Variants in PLCB1 observed in about 807,000 individuals in gnomAD.
PLCB1 encodes 1-phosphatidylinositol 4,5-bisphosphate phosphodiesterase beta-1.
PLCB1 carries 46 observed loss-of-function variants against 161.8 expected under a neutral mutation model. That is an observed-to-expected ratio of 0.28 (90% confidence interval 0.22 to 0.36). The LOEUF is 0.36. Among genes scored for constraint, PLCB1 ranks in the 10% least tolerant of loss-of-function variants. The pLI is 1.00. For synonymous variants in PLCB1, 517 were observed against 503.7 expected (o/e 1.03, Z -0.35); for missense variants, 1,016 against 1,472.5 (o/e 0.69, Z 5.07).
rs10624037 is a variant in PLCB1, at chr20:8,734,135, C to CAAAAAAAAAAAAAAAA, written c.2043+753_2043+768dup. ...AGAGCGAGAGAGCGAGACTCTGTCTCAAAAAAAAAAAAAAAAAAAAAAAAA... is the reference window on the plus strand; with the variant it reads ...AGAGCGAGAGAGCGAGACTCTGTCTCAAAAAAAAAAAAAAAAAAAAAAAAAAAAAAAAAAAAAAAAA... On this transcript the variant is annotated intron_variant, in intron 19 of 31. Transcript: ENST00000338037. 2.4e-4 allele frequency among the ~76,000 whole-genome samples: 14 copies of CAAAAAAAAAAAAAAAA among 57,928 alleles called. 1 individual carries two copies. Among genetic ancestry groups the CAAAAAAAAAAAAAAAA allele is most frequent in the Admixed American group, 1.3e-3 (4 of 3,104 alleles). 38.0% of individuals were successfully genotyped at this position (57,928 alleles called of 152,430 possible). A position where few individuals can be genotyped will look rare whatever the true frequency, so the allele number is the denominator to read the frequency against.
At chr20:8,498,090 T>G (rs1047768511) in intron 3 of PLCB1, among the ~76,000 whole-genome samples, 1 of 152,166 alleles carries the variant, frequency 6.6e-6, no homozygotes, top group Non-Finnish European at 1.5e-5. Context: ...AATATGCCTT[T>G]ATGGGTTTTT....
At chr20:8,141,652 A>G (rs1306051174) in intron 1 of PLCB1, among the ~76,000 whole-genome samples, 1 of 151,434 alleles carries the variant, frequency 6.6e-6, no homozygotes, top group African/African-American at 2.4e-5. Context: ...GGAGGGGGCA[A>G]TGTATGCTCT....
intron 9 of PLCB1, among the ~76,000 whole-genome samples, chr20:8,669,525 T>C (rs1600239119): frequency 6.6e-6 from 1 of 152,216 alleles, no homozygotes; most frequent in African/African-American, 2.4e-5. Flanking sequence ...TATTCTTGAC[T>C]TACTCGTTGG....
chr20:8,793,032 C>T (rs1983841240), intron 31 of PLCB1, among the ~76,000 whole-genome samples: 1 of 152,156 alleles, frequency 6.6e-6, no homozygotes, highest in African/African-American at 2.4e-5. Flanking sequence ...TTGAAATAAT[C>T]CCTCTCCACA....
At chr20:8,613,353 G>A (rs1297750136) in intron 3 of PLCB1, among the ~76,000 whole-genome samples, 1 of 152,170 alleles carries the variant, frequency 6.6e-6, no homozygotes, top group African/African-American at 2.4e-5. Context: ...GGGTTTTCTG[G>A]GGGTGATGAG....
chr20:8,646,232 T>C lies in PLCB1; in HGVS notation c.464+51T>C, dbSNP rs753125334. The C allele has an allele frequency of 7.4e-6, 9 of 1,216,178 alleles. No individual in the cohort carries two copies. The South Asian group carries it at 9.6e-5, about 13-fold the overall frequency. 75.3% of individuals were successfully genotyped at this position (1,216,178 alleles called of 1,614,324 possible). A position where few individuals can be genotyped will look rare whatever the true frequency, so the allele number is the denominator to read the frequency against. On this transcript the variant is annotated intron_variant, in intron 5 of 31. Coordinates refer to ENST00000338037, the MANE Select transcript of PLCB1 (RefSeq NM_015192.4). ...AGGGCGTTGCTTCTTCTGAGTCAGTTTCCTTTCTCCTTTGTGAGTCTTCCG... is the reference window on the plus strand; with the variant it reads ...AGGGCGTTGCTTCTTCTGAGTCAGTCTCCTTTCTCCTTTGTGAGTCTTCCG...
chr20:8,220,352 C>G (rs1367360168), intron 2 of PLCB1, among the ~76,000 whole-genome samples: 2 of 152,134 alleles, frequency 1.3e-5, no homozygotes, highest in African/African-American at 4.8e-5. Context: ...GATGCATTCA[C>G]TAGGGGTTTA....
At chr20:8,218,312 T>TA (rs1979234754) in intron 2 of PLCB1, among the ~76,000 whole-genome samples, 1 of 152,108 alleles carries the variant, frequency 6.6e-6, no homozygotes, top group Admixed American at 6.6e-5. Flanking sequence ...GCATAATACA[T>TA]ATGCTCAGAG....
At chr20:8,540,562 T>A (rs369388958) in intron 3 of PLCB1, among the ~76,000 whole-genome samples, 1 of 152,068 alleles carries the variant, frequency 6.6e-6, no homozygotes, top group Admixed American at 6.6e-5. Flanking sequence ...ACACAAACCT[T>A]CCTGCCAATT....
chr20:8,298,915 A>T (rs1983760943), intron 2 of PLCB1, among the ~76,000 whole-genome samples: 1 of 152,128 alleles, frequency 6.6e-6, no homozygotes, highest in South Asian at 2.1e-4. Flanking sequence ...TTAACCATAA[A>T]CACGCTCCAT....
Position 8,841,812 on chromosome 20 carries a change from C to T in PLCB1, c.3424-39810C>T, listed in dbSNP as rs148626326. Among the ~76,000 whole-genome samples, 44 of 152,278 alleles carry T rather than the reference C, an allele frequency of 2.9e-4. 1 individual carries two copies. The East Asian group carries it at 6.6e-3, about 23-fold the overall frequency. ...ATTTAAGTTCTCAATGGACTCTGAG[C>T]GCATATCCTTGATGTGTGATTCACA... On this transcript the variant is annotated intron_variant, in intron 31 of 31. Coordinates refer to ENST00000338037, the MANE Select transcript of PLCB1 (RefSeq NM_015192.4).
chr20:8,860,145 A>G (rs1987204759), intron 31 of PLCB1, among the ~76,000 whole-genome samples: 1 of 152,262 alleles, frequency 6.6e-6, no homozygotes, highest in Non-Finnish European at 1.5e-5. Flanking sequence ...GGGAGAATTC[A>G]CAGAGGTAAT....
At chr20:8,522,698 C>T (rs1005723778) in intron 3 of PLCB1, among the ~76,000 whole-genome samples, 2 of 152,052 alleles carry the variant, frequency 1.3e-5, no homozygotes, top group African/African-American at 2.4e-5. Flanking sequence ...AATAAGTATA[C>T]GAAGCTTGCA....
chr20:8,368,611 GAT>G (rs1282247803), intron 2 of PLCB1, among the ~76,000 whole-genome samples: 2 of 150,950 alleles, frequency 1.3e-5, no homozygotes, highest in South Asian at 2.1e-4. Context: ...GTGTGTGAGA[GAT>G]ATATTTTTAT....
At chr20:8,305,995 G>A (rs866016229) in intron 2 of PLCB1, 9 of 152,126 alleles carry the variant, frequency 5.9e-5, no homozygotes, top group Admixed American at 2.0e-4. Flanking sequence ...TGGTGGGCTA[G>A]GATGCCTCCA....
At chr20:8,220,426 T>C (rs1362191964) in intron 2 of PLCB1, among the ~76,000 whole-genome samples, 1 of 152,138 alleles carries the variant, frequency 6.6e-6, no homozygotes, top group Non-Finnish European at 1.5e-5. Context: ...TTACCTTATT[T>C]AGAAATATAT....
At chr20:8,426,278 C>G (rs1413221494) in intron 3 of PLCB1, among the ~76,000 whole-genome samples, 1 of 152,088 alleles carries the variant, frequency 6.6e-6, no homozygotes, top group Non-Finnish European at 1.5e-5. Flanking sequence ...AATCATAATC[C>G]TAAAAGAAAA....
chr20:8,355,015 T>C lies in PLCB1; in HGVS notation c.178-16367T>C, dbSNP rs73591748. Among the ~76,000 whole-genome samples, 771 of 152,306 alleles carry C rather than the reference T, an allele frequency of 5.1e-3. 9 individuals are homozygous for C. The highest frequency in any genetic ancestry group is 0.018 in the African/African-American group (733 of 41,578). ...AGTGGTTTAAATGTGTTGATGTATC[T>C]GGCGTATTAGAGTCTACAGTCATGA... is the stretch of plus-strand genomic sequence containing the variant. On this transcript the variant is annotated intron_variant, in intron 2 of 31. Coordinates refer to ENST00000338037, the MANE Select transcript of PLCB1 (RefSeq NM_015192.4).
chr20:8,579,666 C>A (rs1568515810), intron 3 of PLCB1, among the ~76,000 whole-genome samples: 1 of 152,104 alleles, frequency 6.6e-6, no homozygotes, highest in Non-Finnish European at 1.5e-5. Context: ...ATTAAAAATA[C>A]AATGTATTTT....
Sources: gnomAD v4.1 joint callset for allele counts (sites outside exome capture counted in the v4.1 genomes callset) on GRCh38, gnomAD v4.1.1 for gene constraint, MANE v1.5 for transcripts, NCBI Gene and HGNC (gene_info 2026-07-23, HGNC 2026-07-21) for gene names.